Variants in RUNDC3A observed in about 807,000 individuals in gnomAD.
The protein encoded by RUNDC3A is RUN domain-containing protein 3A.
A neutral mutation model predicts 53.9 loss-of-function variants in RUNDC3A; 28 were observed. The observed-to-expected ratio is 0.52, with a 90% confidence interval of 0.38 to 0.71. The LOEUF (loss-of-function observed/expected upper bound fraction) is 0.71. Among genes scored for constraint, RUNDC3A ranks in the 30% least tolerant of loss-of-function variants. The pLI, the probability that RUNDC3A is intolerant of heterozygous loss-of-function variation, is 0.00. For synonymous variants in RUNDC3A, 232 were observed against 249.4 expected, an observed-to-expected ratio of 0.93 and a Z score of 0.66; for missense variants, 491 against 597.3, an observed-to-expected ratio of 0.82 and a Z score of 1.85.
chr17:44,316,915 C>A, intron 10 of RUNDC3A, 190 bp downstream of exon 10: 1 of 504,712 alleles, frequency 2.0e-6, no homozygotes, highest in Non-Finnish European at 3.5e-6. Context: ...CTCTGCCTCC[C>A]GGGTTCAAGG....
chr17:44,318,141 C>T lies in RUNDC3A; in HGVS notation c.1244C>T (p.Ala415Val), dbSNP rs1274259515. 1.3e-6 allele frequency: 2 copies of T among 1,551,436 alleles called. No individual in the cohort carries two copies. The highest frequency in any genetic ancestry group is 1.7e-6 in the Non-Finnish European group (2 of 1,146,988). ...PSMLGLCGSL[A>V]SIPSCKSLAS... Reference sequence around the variant, plus strand: ...ATGCTGGGCCTCTGCGGCTCCCTGGCCTCCATTCCCAGCTGCAAGTCCCTG... The same window carrying T: ...ATGCTGGGCCTCTGCGGCTCCCTGGTCTCCATTCCCAGCTGCAAGTCCCTG... The change falls in exon 11 of 11, where the codon GCC (alanine) becomes GTC (valine). Residue 415 changes from alanine to valine, a missense_variant. This residue lies in a region of RUNDC3A where 218 missense variants were observed against 208.2 expected (regional missense o/e 1.05). Coordinates refer to ENST00000426726, the MANE Select transcript of RUNDC3A (RefSeq NM_001144825.2).
intron 4 of RUNDC3A, chr17:44,313,931 A>C: frequency 1.0e-6 from 1 of 983,084 alleles, no homozygotes; most frequent in Non-Finnish European, 1.2e-6. Flanking sequence ...TGGCCTCCCA[A>C]AGTGCTGGGA....
chr17:44,317,726 CTG>C (rs933077326), intron 10 of RUNDC3A: 2 of 616,678 alleles, frequency 3.2e-6, no homozygotes, highest in Non-Finnish European at 2.9e-6. Context: ...TTGTGATTGT[CTG>C]TGTGTCTGTC....
chr17:44,312,485 C>T (rs1188211970), intron 1 of RUNDC3A, 95 bp from the exon 2 acceptor site: 1 of 705,666 alleles, frequency 1.4e-6, no homozygotes, highest in African/African-American at 1.8e-5. Context: ...CCCTTCCTGA[C>T]CTTTCTTCTC....
chr17:44,315,196 A>G lies in RUNDC3A; in HGVS notation c.671A>G (p.Glu224Gly), dbSNP rs1475350029. 3 of 1,558,632 alleles carry G rather than the reference A, an allele frequency of 1.9e-6. No homozygotes were observed. Among genetic ancestry groups the G allele is most frequent in the Non-Finnish European group, 2.6e-6 (3 of 1,151,082 alleles). The change falls in exon 7 of 11, where the codon GAG (glutamate) becomes GGG (glycine). Residue 224 changes from glutamate (E) to glycine (G), a missense_variant. Physicochemically the swap from Glu to Gly is moderately conservative, Grantham distance 98. Around this residue, in one of 2 missense-constraint regions of RUNDC3A, gnomAD observed 273 missense variants for 389.0 expected, o/e 0.70. Transcript: ENST00000426726. The surrounding 1 kb of genome is among the most constrained non-coding windows in gnomAD (Gnocchi z 6.1). ...LTDEEERHSA[E>G]SSTSEDNSPE... ...GACGAGGAGGAGCGGCACAGCGCCG[A>G]GAGCAGCACGAGCGAGGACAACTCG...
chr17:44,313,453 G>A lies in RUNDC3A; in HGVS notation c.408G>A (p.Lys136=), dbSNP rs1045986299. 6.2e-7 allele frequency: 1 copy of A among 1,613,950 alleles called. No homozygotes were observed. Among genetic ancestry groups the A allele is most frequent in the African/African-American group, 1.3e-5 (1 of 75,030 alleles). ...RAWIRVALME[K]RMSEYITTAL... is the part of the protein sequence containing the mutation. ...GGATCCGGGTGGCACTGATGGAGAA[G>A]CGCATGTCAGAATACATCACCACGG... The change falls in exon 4 of 11, where the codon AAG becomes AAA. Residue 136 remains lysine (K), a synonymous_variant. Transcript: ENST00000426726.
Position 44,318,373 on chromosome 17 carries a change from G to C in RUNDC3A, c.*135G>C. 1 of 1,012,674 alleles carries C rather than the reference G, an allele frequency of 9.9e-7. No homozygotes were observed. The highest frequency in any genetic ancestry group is 1.4e-6 in the Non-Finnish European group (1 of 696,670). 62.7% of individuals were successfully genotyped at this position (1,012,674 alleles called of 1,614,324 possible). A position where few individuals can be genotyped will look rare whatever the true frequency, so the allele number is the denominator to read the frequency against. On this transcript the variant is annotated 3_prime_UTR_variant, in exon 11 of 11. Transcript: ENST00000426726. ...ACCCAGCCAGGGTTCTCTCGGGGAA[G>C]ATCTCGTCTGCTCACCTTAGCTTTC...
rs1598331569 is a variant in RUNDC3A, at chr17:44,316,733, C to A, written c.1198+8C>A. On this transcript the variant is annotated splice_region_variant and intron_variant, in intron 10 of 10. Coordinates refer to ENST00000426726, the MANE Select transcript of RUNDC3A (RefSeq NM_001144825.2). The stretch of plus-strand genomic sequence containing the variant: ...AGCCCTGGGGTCCCATCGGTGAGCT[C>A]CCCCAACCCAACACCCAGTACCCCT... 7 of 1,542,988 alleles carry A rather than the reference C, an allele frequency of 4.5e-6. No individual in the cohort carries two copies. Among genetic ancestry groups the A allele is most frequent in the Non-Finnish European group, 5.3e-6 (6 of 1,142,464 alleles).
intron 10 of RUNDC3A, chr17:44,317,843 A>G (rs1363485997): frequency 1.7e-6 from 1 of 591,724 alleles, no homozygotes; most frequent in Non-Finnish European, 3.0e-6. Context: ...GTATTTAATA[A>G]ATGGACAAAG....
chr17:44,314,688 G>GGGGCCCCC, intron 4 of RUNDC3A, 47 bp from the exon 5 acceptor site: 1 of 931,064 alleles, frequency 1.1e-6, no homozygotes, highest in Non-Finnish European at 1.5e-6. Context: ...GGGGGGGGGG[G>GGGGCCCCC]CGCTCCAGGG....
At position 44,317,353 on chromosome 17, in the gene RUNDC3A, G is replaced by GT. The variant is rs1262067421; in HGVS notation, c.1198+634dup. On this transcript the variant is annotated intron_variant, in intron 10 of 10. Transcript: ENST00000426726. Reference sequence around the variant, plus strand: ...GTTGTCACATGGTGAGGGCTCAGTGGTTTTTTAGTGTCATGACATCCTCGG... The same window carrying GT: ...GTTGTCACATGGTGAGGGCTCAGTGGTTTTTTTAGTGTCATGACATCCTCGG... 6.9e-6 allele frequency: 5 copies of GT among 725,014 alleles called. No individual in the cohort carries two copies. In the Admixed American group the frequency reaches 7.8e-5, roughly 11 times the overall value. 44.9% of individuals were successfully genotyped at this position (725,014 alleles called of 1,614,324 possible). A position where few individuals can be genotyped will look rare whatever the true frequency, so the allele number is the denominator to read the frequency against.
At chr17:44,313,757 C>T (rs1186002036) in intron 4 of RUNDC3A, 1 of 1,127,818 alleles carries the variant, frequency 8.9e-7, no homozygotes, top group East Asian at 4.1e-5. Flanking sequence ...TCTCGGCTCA[C>T]TGCAACCTCC....
intron 4 of RUNDC3A, 51 bp from the exon 5 acceptor site, chr17:44,314,684 G>GGC: frequency 6.5e-6 from 8 of 1,237,322 alleles, no homozygotes; most frequent in Non-Finnish European, 8.9e-6. Flanking sequence ...TGGGGGGGGG[G>GGC]GGGGCGCTCC....
In RUNDC3A at chr17:44,315,108, C is replaced by CG. The variant is rs765722696; in HGVS notation, c.630-41dup. On this transcript the variant is annotated intron_variant, in intron 6 of 10. Transcript: ENST00000426726. This position sits in a 1 kb window ranked among gnomAD's most constrained non-coding sequence, Gnocchi z 6.1. The stretch of plus-strand genomic sequence containing the variant: ...GCCCTCAGCGGCCAGCGCAGACGCG[C>CG]GGGGGGAGGGGCGGGACCGGCCGTG... The CG allele has an allele frequency of 3.1e-6, 5 of 1,599,542 alleles. No homozygotes were observed. The highest frequency in any genetic ancestry group is 1.7e-6 in the Non-Finnish European group (2 of 1,172,960).
chr17:44,317,234 TCTGG>T (rs2047885321), intron 10 of RUNDC3A: 2 of 590,940 alleles, frequency 3.4e-6, no homozygotes, highest in Non-Finnish European at 6.1e-6. Context: ...CCAGCATAAA[TCTGG>T]CTGTGCCTCC....
rs1299152554 is a variant in RUNDC3A, at chr17:44,318,486, C to T, written c.*248C>T. The T allele has an allele frequency of 3.8e-6, 2 of 525,788 alleles. No individual in the cohort carries two copies. The allele number at this position is 525,788 out of a possible 1,614,324, so 32.6% of individuals were successfully genotyped here. ...CACAGGGAGCCCCTGGGGAAGCCTG[C>T]TCCATTCTTCTGGTGACCTTGGCGC... On this transcript the variant is annotated 3_prime_UTR_variant, in exon 11 of 11. Coordinates refer to ENST00000426726, the MANE Select transcript of RUNDC3A (RefSeq NM_001144825.2).
At position 44,313,649 on chromosome 17, in the gene RUNDC3A, C is replaced by T. The variant is rs113134861; in HGVS notation, c.458+146C>T. ...GCACACATGGCTGATTTCCCTCTTC[C>T]AGCCTGGCCTGCAGTCCCAGGACGA... On this transcript the variant is annotated intron_variant, in intron 4 of 10. Coordinates refer to ENST00000426726, the MANE Select transcript of RUNDC3A (RefSeq NM_001144825.2). The T allele has an allele frequency of 2.9e-6, 4 of 1,386,092 alleles. No individual in the cohort carries two copies. In the African/African-American group the frequency reaches 4.4e-5, roughly 15 times the overall value. 85.9% of individuals were successfully genotyped at this position (1,386,092 alleles called of 1,614,324 possible). A position where few individuals can be genotyped will look rare whatever the true frequency, so the allele number is the denominator to read the frequency against.
rs1379371359 is a variant in RUNDC3A, at chr17:44,315,370, C to T, written c.795+50C>T. On this transcript the variant is annotated intron_variant, in intron 7 of 10. Transcript: ENST00000426726. This position sits in a 1 kb window ranked among gnomAD's most constrained non-coding sequence, Gnocchi z 6.1. ...GGGCGGGCGGGCCGGGCGGGGGATC[C>T]GGGCATCCCGGGGCGGGGCGGGGAT... The T allele has an allele frequency of 2.5e-5, 20 of 802,898 alleles. No homozygotes were observed. Among genetic ancestry groups the T allele is most frequent in the Non-Finnish European group, 3.0e-5 (19 of 627,576 alleles). The allele number at this position is 802,898 out of a possible 1,614,324, so 49.7% of individuals were successfully genotyped here.
chr17:44,315,107 GC>G lies in RUNDC3A; in HGVS notation c.630-47del. The G allele has an allele frequency of 6.2e-7, 1 of 1,601,340 alleles. No homozygotes were observed. The highest frequency in any genetic ancestry group is 8.5e-7 in the Non-Finnish European group (1 of 1,173,768). On this transcript the variant is annotated intron_variant, in intron 6 of 10. Coordinates refer to ENST00000426726, the MANE Select transcript of RUNDC3A (RefSeq NM_001144825.2). The surrounding 1 kb of genome is among the most constrained non-coding windows in gnomAD (Gnocchi z 6.1). ...CGCCCTCAGCGGCCAGCGCAGACGC[GC>G]GGGGGGAGGGGCGGGACCGGCCGTG...
Sources: gnomAD v4.1 joint callset for allele counts on GRCh38, gnomAD v4.1.1 for gene constraint, gnomAD v4.1.1 regional missense constraint, Gnocchi (gnomAD v3.1) non-coding constraint, MANE v1.5 for transcripts, NCBI Gene and HGNC (gene_info 2026-07-23, HGNC 2026-07-21) for gene names.